Variants in HIVEP3 observed in about 807,000 individuals in gnomAD.
The protein encoded by HIVEP3 is HIVEP zinc finger 3.
HIVEP3 carries 49 observed loss-of-function variants against 152.8 expected under a neutral mutation model. That is an observed-to-expected ratio of 0.32 (90% CI 0.26 to 0.41). The LOEUF (loss-of-function observed/expected upper bound fraction) is 0.41, where lower values mean the gene tolerates loss of function less well. Among genes scored for constraint, HIVEP3 ranks in the 10% least tolerant of loss-of-function variants. The probability of loss-of-function intolerance (pLI) is 1.00; values close to 1 mark genes in which losing one functional copy is unlikely to be tolerated. For synonymous variants in HIVEP3, 1,269 were observed against 1,289.0 expected (o/e 0.98, Z 0.33); for missense variants, 2,790 against 3,103.3 (o/e 0.90, Z 2.40).
chr1:41,745,545 C>T (rs1409722308), intron 1 of HIVEP3, among the ~76,000 whole-genome samples: 6 of 152,210 alleles, frequency 3.9e-5, no homozygotes, highest in African/African-American at 1.4e-4. Context: ...ACCCTGGAGA[C>T]AAGGGCATCC....
chr1:41,784,491 T>C (rs1649232562), intron 1 of HIVEP3, among the ~76,000 whole-genome samples: 1 of 152,200 alleles, frequency 6.6e-6, no homozygotes, highest in South Asian at 2.1e-4. Context: ...TGGACAGCAT[T>C]GCTCCAGAGG....
intron 1 of HIVEP3, among the ~76,000 whole-genome samples, chr1:41,832,524 C>G (rs1198798073): frequency 2.0e-5 from 3 of 152,046 alleles, no homozygotes; most frequent in Admixed American, 6.5e-5. Context: ...CAGTGAGACC[C>G]AGTCTCAAAA....
intron 1 of HIVEP3, among the ~76,000 whole-genome samples, chr1:41,770,195 G>A (rs1250766849): frequency 2.0e-5 from 3 of 151,874 alleles, no homozygotes; most frequent in South Asian, 2.1e-4. Context: ...GGATGGTCTC[G>A]ATCTCCTGAC....
Position 41,653,704 on chromosome 1 carries a change from G to T in HIVEP3, c.-720-24757C>A, listed in dbSNP as rs75512337. On this transcript the variant is annotated intron_variant, in intron 2 of 8. Coordinates refer to ENST00000372583, the MANE Select transcript of HIVEP3 (RefSeq NM_024503.5). ...GCGACACCAAATGTTCGCATGCCAA[G>T]GCAAGAAACCGTTAGGAGGCCAGGT... 2.8e-4 allele frequency among the ~76,000 whole-genome samples: 43 copies of T among 152,276 alleles called. No individual in the cohort carries two copies. In the East Asian group the frequency reaches 8.3e-3, roughly 29 times the overall value.
At chr1:41,999,881 C>T (rs537680698) in intron 1 of HIVEP3, among the ~76,000 whole-genome samples, 5 of 151,046 alleles carry the variant, frequency 3.3e-5, no homozygotes, top group South Asian at 4.2e-4. Context: ...GCAAATTGAT[C>T]CATTCTTTTT....
chr1:41,824,394 G>A (rs1642696063), intron 1 of HIVEP3, among the ~76,000 whole-genome samples: 1 of 151,974 alleles, frequency 6.6e-6, no homozygotes, highest in Admixed American at 6.6e-5. Flanking sequence ...CTACCATTTT[G>A]CAATTTAATA....
chr1:41,534,395 C>T (rs539728620), intron 5 of HIVEP3, among the ~76,000 whole-genome samples: 2 of 152,072 alleles, frequency 1.3e-5, no homozygotes, highest in Admixed American at 6.5e-5. Context: ...TCACCTGGAG[C>T]CTTGCATCCC....
chr1:41,994,471 G>C (rs928182615), intron 1 of HIVEP3, among the ~76,000 whole-genome samples: 2 of 152,136 alleles, frequency 1.3e-5, no homozygotes, highest in Non-Finnish European at 2.9e-5. Context: ...TGGATCATGG[G>C]AACAGGTTTC....
intron 2 of HIVEP3, among the ~76,000 whole-genome samples, chr1:41,679,300 C>T (rs1646003157): frequency 6.6e-6 from 1 of 152,200 alleles, no homozygotes; most frequent in African/African-American, 2.4e-5. Context: ...CTCCCAGAGG[C>T]CAAGGTCCAT....
rs900044392 is a variant in HIVEP3, at chr1:41,804,409, C to T, written c.-800-103414G>A. Among the ~76,000 whole-genome samples, 9 of 152,262 alleles carry T rather than the reference C, an allele frequency of 5.9e-5. No individual in the cohort carries two copies. The South Asian group carries it at 6.2e-4, about 10-fold the overall frequency. The stretch of plus-strand genomic sequence containing the variant: ...CAGGCACACGGGCTTGTTTAATCCT[C>T]AAGACAAACCTGCCAGATAAGGCTG... On this transcript the variant is annotated intron_variant, in intron 1 of 8. Coordinates refer to ENST00000372583, the MANE Select transcript of HIVEP3 (RefSeq NM_024503.5).
At position 41,637,423 on chromosome 1, in the gene HIVEP3, C is replaced by T. The variant is rs566231631; in HGVS notation, c.-720-8476G>A. ...TGTCTATGTGACGTACAAGCTTCAG[C>T]GCTTCTCACAGGTAGTCTCCCTGCC... On this transcript the variant is annotated intron_variant, in intron 2 of 8. Transcript: ENST00000372583. Among the ~76,000 whole-genome samples, 106 of 152,334 alleles carry T rather than the reference C, an allele frequency of 7.0e-4. 1 individual carries two copies. Among genetic ancestry groups the T allele is most frequent in the Non-Finnish European group, 2.8e-4 (19 of 68,044 alleles).
At chr1:41,843,823 G>A (rs1418729363) in intron 1 of HIVEP3, among the ~76,000 whole-genome samples, 1 of 152,020 alleles carries the variant, frequency 6.6e-6, no homozygotes, top group East Asian at 1.9e-4. Flanking sequence ...AGTTACATAT[G>A]TATACATGTG....
At chr1:42,010,837 G>T (rs1645488720) in intron 1 of HIVEP3, among the ~76,000 whole-genome samples, 1 of 152,046 alleles carries the variant, frequency 6.6e-6, no homozygotes, top group Non-Finnish European at 1.5e-5. Context: ...ACCACCAAGA[G>T]GAGGGATGTC....
intron 5 of HIVEP3, chr1:41,543,322 G>A (rs553954642): frequency 8.5e-5 from 13 of 152,322 alleles, no homozygotes; most frequent in African/African-American, 3.1e-4. Flanking sequence ...TGGTTTTCAC[G>A]GAGGTAGGCA....
intron 1 of HIVEP3, among the ~76,000 whole-genome samples, chr1:41,777,990 T>C: frequency 6.6e-6 from 1 of 151,792 alleles, no homozygotes; most frequent in South Asian, 2.1e-4. Flanking sequence ...TCGGCGGGGG[T>C]TCTTGGCAGC....
intron 1 of HIVEP3, among the ~76,000 whole-genome samples, chr1:41,979,848 T>A (rs1645284881): frequency 6.6e-6 from 1 of 152,206 alleles, no homozygotes; most frequent in South Asian, 2.1e-4. Context: ...GTATCTACTA[T>A]AAAGAAAGAA....
chr1:41,564,238 G>A (rs1468673336), intron 5 of HIVEP3, among the ~76,000 whole-genome samples: 1 of 152,066 alleles, frequency 6.6e-6, no homozygotes, highest in African/African-American at 2.4e-5. Context: ...TAGAATGGAT[G>A]GAGACAAAAA....
At chr1:41,666,922 T>C (rs768492431) in intron 2 of HIVEP3, among the ~76,000 whole-genome samples, 7 of 152,212 alleles carry the variant, frequency 4.6e-5, no homozygotes, top group Non-Finnish European at 7.4e-5. Flanking sequence ...AATCTCTCAC[T>C]GTTTCTGAGC....
intron 1 of HIVEP3, among the ~76,000 whole-genome samples, chr1:41,731,336 C>G (rs1266278511): frequency 6.6e-6 from 1 of 152,144 alleles, no homozygotes; most frequent in Non-Finnish European, 1.5e-5. Context: ...CCCAGGGCCC[C>G]AGTAAGCCCC....
Sources: allele counts gnomAD v4.1 joint callset (sites outside exome capture counted in the v4.1 genomes callset), GRCh38; gene constraint gnomAD v4.1.1; transcripts MANE v1.5; gene names NCBI Gene and HGNC (gene_info 2026-07-23, HGNC 2026-07-21).